PLCB1: variants seen among roughly 807,000 people sequenced by gnomAD.
The protein encoded by PLCB1 is 1-phosphatidylinositol 4,5-bisphosphate phosphodiesterase beta-1.
A neutral mutation model predicts 161.8 loss-of-function variants in PLCB1; 46 were observed. That is an observed-to-expected ratio of 0.28 (90% confidence interval 0.22 to 0.36). The LOEUF (loss-of-function observed/expected upper bound fraction) is 0.36. Ranked by LOEUF, PLCB1 falls within the 10% of genes least tolerant of loss-of-function variation. The pLI is 1.00. For synonymous variants in PLCB1, 517 were observed against 503.7 expected, an observed-to-expected ratio of 1.03 and a Z score of -0.35; for missense variants, 1,016 against 1,472.5, an observed-to-expected ratio of 0.69 and a Z score of 5.07.
chr20:8,270,737 T>C (rs1465654225), intron 2 of PLCB1, among the ~76,000 whole-genome samples: 1 of 152,204 alleles, frequency 6.6e-6, no homozygotes. Flanking sequence ...TTTATCCTGC[T>C]GTCTGTGACT....
intron 23 of PLCB1, among the ~76,000 whole-genome samples, chr20:8,753,768 T>G (rs904457206): frequency 6.6e-6 from 1 of 152,212 alleles, no homozygotes. Flanking sequence ...CTCAAAACTT[T>G]CATTTTTCCA....
chr20:8,694,048 T>C (rs1453464296), intron 10 of PLCB1, among the ~76,000 whole-genome samples: 2 of 152,236 alleles, frequency 1.3e-5, no homozygotes, highest in African/African-American at 2.4e-5. Context: ...AGCGATCCGC[T>C]AGCCCCAGAA....
chr20:8,187,733 T>C, intron 2 of PLCB1, among the ~76,000 whole-genome samples: 1 of 152,270 alleles, frequency 6.6e-6, no homozygotes, highest in Non-Finnish European at 1.5e-5. Flanking sequence ...ATTTTTATGA[T>C]GGATGAGTTC....
chr20:8,482,791 A>G (rs1982560705), intron 3 of PLCB1, among the ~76,000 whole-genome samples: 1 of 152,198 alleles, frequency 6.6e-6, no homozygotes, highest in African/African-American at 2.4e-5. Context: ...AATAAAGTAG[A>G]TTTTGAAAAC....
intron 2 of PLCB1, among the ~76,000 whole-genome samples, chr20:8,182,580 T>C (rs1456450522): frequency 7.3e-6 from 1 of 136,792 alleles, no homozygotes; most frequent in African/African-American, 3.3e-5. Context: ...TTATCTTTTT[T>C]TTCTTTTTTT....
At position 8,733,281 on chromosome 20, in the gene PLCB1, G is replaced by T. The variant is rs745933305; in HGVS notation, c.1932G>T (p.Gly644=). Residue 644 remains glycine (G), a synonymous_variant, in exon 19 of 32, where the codon GGG becomes GGT. Coordinates refer to ENST00000338037, the MANE Select transcript of PLCB1 (RefSeq NM_015192.4). ...ATATGGGGATGTATGAATACAACGG[G>T]AAGAGTGGCTACAGATTGAAGCCAG... ...QINMGMYEYN[G]KSGYRLKPEF... 6.2e-7 allele frequency: 1 copy of T among 1,614,004 alleles called. No homozygotes were observed. Among genetic ancestry groups the T allele is most frequent in the South Asian group, 1.1e-5 (1 of 91,084 alleles).
intron 1 of PLCB1, among the ~76,000 whole-genome samples, chr20:8,137,584 T>C (rs2051361920): frequency 6.6e-6 from 1 of 152,184 alleles, no homozygotes; most frequent in African/African-American, 2.4e-5. Context: ...AGCAAATCAA[T>C]AAAACTACTT....
chr20:8,447,474 T>C (rs1261742703), intron 3 of PLCB1, among the ~76,000 whole-genome samples: 1 of 152,178 alleles, frequency 6.6e-6, no homozygotes, highest in Non-Finnish European at 1.5e-5. Flanking sequence ...TACCAGTGTG[T>C]AATTGGTCTG....
intron 9 of PLCB1, among the ~76,000 whole-genome samples, chr20:8,675,004 T>C (rs1292012608): frequency 6.6e-6 from 1 of 152,166 alleles, no homozygotes; most frequent in Non-Finnish European, 1.5e-5. Context: ...GATGGTATAA[T>C]TTCTATGGCA....
intron 2 of PLCB1, among the ~76,000 whole-genome samples, chr20:8,175,838 C>A (rs944485673): frequency 7.9e-5 from 12 of 151,906 alleles, no homozygotes; most frequent in Non-Finnish European, 2.9e-5. Context: ...AAACCTAAAC[C>A]AAACAATCCA....
chr20:8,682,736 C>T (rs1473738866), intron 9 of PLCB1, among the ~76,000 whole-genome samples: 5 of 152,002 alleles, frequency 3.3e-5, no homozygotes, highest in Non-Finnish European at 5.9e-5. Flanking sequence ...ATAGGTTTGG[C>T]AGTAGGGGAG....
chr20:8,149,798 A>G (rs547428267), intron 1 of PLCB1, among the ~76,000 whole-genome samples: 160 of 152,216 alleles, frequency 1.1e-3, no homozygotes, highest in African/African-American at 3.7e-3. Context: ...ATTTGCAACA[A>G]GTTTGTATAT....
chr20:8,206,381 G>A (rs989697964), intron 2 of PLCB1, among the ~76,000 whole-genome samples: 8 of 152,072 alleles, frequency 5.3e-5, no homozygotes, highest in African/African-American at 1.7e-4. Context: ...AATTTGCTTA[G>A]TTTCAGAGCT....
At chr20:8,511,674 G>A (rs991453858) in intron 3 of PLCB1, among the ~76,000 whole-genome samples, 19 of 151,880 alleles carry the variant, frequency 1.3e-4, no homozygotes, top group Admixed American at 5.9e-4. Flanking sequence ...CCACATTCTC[G>A]CCAACGTTCG....
intron 3 of PLCB1, among the ~76,000 whole-genome samples, chr20:8,627,536 T>C (rs1600204058): frequency 6.6e-6 from 1 of 152,310 alleles, no homozygotes; most frequent in East Asian, 1.9e-4. Context: ...GGACTTCTCA[T>C]TTCCTTCAGG....
At chr20:8,331,930 G>A (rs888311639) in intron 2 of PLCB1, among the ~76,000 whole-genome samples, 1 of 152,184 alleles carries the variant, frequency 6.6e-6, no homozygotes, top group South Asian at 2.1e-4. Flanking sequence ...TCGAGAATTA[G>A]CAAATGTAGG....
chr20:8,372,733 T>C (rs1467376190), intron 3 of PLCB1, among the ~76,000 whole-genome samples: 1 of 152,236 alleles, frequency 6.6e-6, no homozygotes, highest in Non-Finnish European at 1.5e-5. Flanking sequence ...TTTTTTCTTC[T>C]TCCCCCAACA....
intron 3 of PLCB1, among the ~76,000 whole-genome samples, chr20:8,372,718 G>T (rs895699268): frequency 2.6e-5 from 4 of 152,132 alleles, no homozygotes; most frequent in African/African-American, 4.8e-5. Context: ...GTATAGGAAA[G>T]AATATTTTTT....
At chr20:8,288,959 T>C (rs1983256816) in intron 2 of PLCB1, among the ~76,000 whole-genome samples, 1 of 152,176 alleles carries the variant, frequency 6.6e-6, no homozygotes, top group South Asian at 2.1e-4. Flanking sequence ...CATCAGTTTC[T>C]AAACAAGTGC....
Sources: allele counts gnomAD v4.1 joint callset (sites outside exome capture counted in the v4.1 genomes callset), GRCh38; gene constraint gnomAD v4.1.1; transcripts MANE v1.5; gene names NCBI Gene and HGNC (gene_info 2026-07-23, HGNC 2026-07-21).